The following ZC4H2 variants were observed in gnomAD, a reference collection of about 807,000 sequenced individuals.
ZC4H2 encodes zinc finger C4H2 domain-containing protein.
For synonymous variants in ZC4H2, 84 were observed against 66.3 expected, an observed-to-expected ratio of 1.27 and a Z score of -1.30; for missense variants, 137 against 173.9, an observed-to-expected ratio of 0.79 and a Z score of 1.19.
intron 1 of ZC4H2, among the ~76,000 whole-genome samples, chrX:65,026,610 G>A (rs1188820127): frequency 9.0e-6 from 1 of 110,706 alleles, no homozygotes; most frequent in Non-Finnish European, 1.9e-5. Flanking sequence ...TCGGGAGGCT[G>A]AGGCAGGAGA....
At chrX:64,956,741 T>A (rs1001828583) in intron 1 of ZC4H2, among the ~76,000 whole-genome samples, 3 of 112,090 alleles carry the variant, frequency 2.7e-5, no homozygotes, top group Non-Finnish European at 5.6e-5. Flanking sequence ...ATAATCAAAC[T>A]AAGACTTTAA....
intron 1 of ZC4H2, among the ~76,000 whole-genome samples, chrX:64,937,875 TA>T (rs764696429): frequency 1.8e-5 from 2 of 110,727 alleles, no homozygotes; most frequent in Non-Finnish European, 3.8e-5. Flanking sequence ...TGAAAAGAAC[TA>T]GAGAAGCAAG....
At chrX:64,993,071 T>A (rs1569225953) in intron 1 of ZC4H2, among the ~76,000 whole-genome samples, 1 of 112,293 alleles carries the variant, frequency 8.9e-6, no homozygotes, top group East Asian at 2.8e-4. Flanking sequence ...ACCATAGAGT[T>A]GCAAGATTTA....
At chrX:64,998,480 A>G (rs1932461966) in intron 1 of ZC4H2, among the ~76,000 whole-genome samples, 1 of 112,423 alleles carries the variant, frequency 8.9e-6, no homozygotes, top group African/African-American at 3.2e-5. Context: ...TATCCACACC[A>G]AACAATAGAA....
chrX:64,996,060 A>G (rs1479274352), intron 1 of ZC4H2, among the ~76,000 whole-genome samples: 5 of 111,801 alleles, frequency 4.5e-5, no homozygotes, highest in Non-Finnish European at 9.4e-5. Context: ...ATACTCAGAA[A>G]AAACCTGATA....
intron 1 of ZC4H2, among the ~76,000 whole-genome samples, chrX:64,999,047 T>C (rs1029050794): frequency 1.1e-5 from 1 of 94,697 alleles, no homozygotes; most frequent in African/African-American, 3.9e-5. Context: ...GTGTTTTTTT[T>C]TTTTTTTTTT....
chrX:64,993,396 T>TA (rs1474062064), intron 1 of ZC4H2, among the ~76,000 whole-genome samples: 2 of 111,368 alleles, frequency 1.8e-5, no homozygotes, highest in African/African-American at 6.5e-5. Flanking sequence ...TGTGTCCTCC[T>TA]AAAAAAATTA....
chrX:65,008,031 A>G (rs1183448908), intron 1 of ZC4H2, among the ~76,000 whole-genome samples: 2 of 111,724 alleles, frequency 1.8e-5, no homozygotes, highest in Non-Finnish European at 3.8e-5. Context: ...GACAACACAT[A>G]GAATGGGATA....
chrX:65,010,514 A>G (rs989284185), intron 1 of ZC4H2, among the ~76,000 whole-genome samples: 2 of 111,502 alleles, frequency 1.8e-5, no homozygotes, highest in African/African-American at 6.5e-5. Context: ...AATATTTCCA[A>G]TCTTTTTTGG....
At chrX:64,930,200 G>T (rs1929677978) in intron 1 of ZC4H2, among the ~76,000 whole-genome samples, 1 of 111,725 alleles carries the variant, frequency 9.0e-6, no homozygotes. Context: ...CAGTGCTACT[G>T]ATTTGTGTAC....
chrX:65,032,734 TTTCCTTCCTTCC>T (rs59235733), intron 1 of ZC4H2, among the ~76,000 whole-genome samples: 27 of 86,795 alleles, frequency 3.1e-4, no homozygotes, highest in South Asian at 2.0e-3. Flanking sequence ...TTCTTCTTTC[TTTCCTTCCTTCC>T]TTCCTTCCTT....
intron 1 of ZC4H2, among the ~76,000 whole-genome samples, chrX:64,967,653 G>A (rs1014753455): frequency 1.8e-5 from 2 of 111,426 alleles, no homozygotes; most frequent in African/African-American, 3.3e-5. Flanking sequence ...CCCTGGGCTC[G>A]TCAGAACATT....
At chrX:64,951,558 T>G (rs1324250084) in intron 1 of ZC4H2, among the ~76,000 whole-genome samples, 1 of 112,420 alleles carries the variant, frequency 8.9e-6, no homozygotes, top group East Asian at 2.8e-4. Context: ...CCAGTGATGG[T>G]GAGCATTTTT....
chrX:65,016,046 G>A (rs1250763191), intron 1 of ZC4H2, among the ~76,000 whole-genome samples: 2 of 111,842 alleles, frequency 1.8e-5, no homozygotes, highest in East Asian at 5.5e-4. Flanking sequence ...AGGCAGCTAG[G>A]TTTATATTTA....
chrX:64,995,972 G>C (rs1233507930), intron 1 of ZC4H2, among the ~76,000 whole-genome samples: 5 of 111,561 alleles, frequency 4.5e-5, no homozygotes, highest in Non-Finnish European at 9.4e-5. Flanking sequence ...GGGGGAGTTT[G>C]CTTGGGAAAT....
chrX:64,921,919 C>T lies in ZC4H2; in HGVS notation c.123G>A (p.Glu41=), dbSNP rs1421958601. The change falls in exon 2 of 5, where the codon GAG becomes GAA. Residue 41 remains glutamate, a synonymous_variant. Transcript: ENST00000374839. ...LKAEFEALES[E]ERHLKEYKQE... ...GCTTGTATTCCTTCAGGTGCCTTTC[C>T]TCTGACTCAAGTGCCTCAAACTCAG... 2 of 1,211,142 alleles carry T rather than the reference C, an allele frequency of 1.7e-6. No individual in the cohort carries two copies. Among genetic ancestry groups the T allele is most frequent in the African/African-American group, 1.7e-5 (1 of 57,590 alleles).
At chrX:64,949,522 C>A (rs1270902077) in intron 1 of ZC4H2, among the ~76,000 whole-genome samples, 1 of 111,473 alleles carries the variant, frequency 9.0e-6, no homozygotes, top group African/African-American at 3.3e-5. Context: ...TCCAGAGGGA[C>A]CCTTAAGCAC....
chrX:65,020,989 A>T, intron 1 of ZC4H2, among the ~76,000 whole-genome samples: 1 of 111,234 alleles, frequency 9.0e-6, no homozygotes, highest in Non-Finnish European at 1.9e-5. Context: ...ATCCTAATAT[A>T]TATACACCCC....
chrX:65,017,309 C>T (rs1932803933), intron 1 of ZC4H2, among the ~76,000 whole-genome samples: 1 of 112,040 alleles, frequency 8.9e-6, no homozygotes, highest in South Asian at 3.7e-4. Context: ...CACAACAGTT[C>T]AAACATTTAC....
Sources: allele counts gnomAD v4.1 joint callset (sites outside exome capture counted in the v4.1 genomes callset), GRCh38; gene constraint gnomAD v4.1.1; transcripts MANE v1.5; gene names NCBI Gene and HGNC (gene_info 2026-07-23, HGNC 2026-07-21).